KDM1B: variants seen among roughly 807,000 people sequenced by gnomAD.
KDM1B encodes the protein lysine-specific histone demethylase 2.
A neutral mutation model predicts 107.4 loss-of-function variants in KDM1B; 63 were observed. That is an observed-to-expected ratio of 0.59 (90% CI 0.48 to 0.72). KDM1B has a LOEUF of 0.72. KDM1B is among the 30% of genes least tolerant of loss of function. The pLI is 0.00. For synonymous variants in KDM1B, 363 were observed against 363.9 expected, an observed-to-expected ratio of 1.00 and a Z score of 0.03; for missense variants, 749 against 1,020.8, an observed-to-expected ratio of 0.73 and a Z score of 3.63.
chr6:18,170,066 G>A (rs1011293007), intron 6 of KDM1B, among the ~76,000 whole-genome samples: 1 of 151,454 alleles, frequency 6.6e-6, no homozygotes, highest in African/African-American at 2.4e-5. Flanking sequence ...GCACCCCCAC[G>A]CCCAGCTAAT....
intron 10 of KDM1B, among the ~76,000 whole-genome samples, chr6:18,194,721 A>G (rs371649): frequency 0.07 from 10,644 of 151,816 alleles, 461 homozygotes; most frequent in South Asian, 0.22. Flanking sequence ...CTGGTCTCCA[A>G]GTTTTGGGCT....
Position 18,198,649 on chromosome 6 carries a change from A to AC in KDM1B, c.1221+988_1221+989insC, listed in dbSNP as rs71958364. 1.8e-3 allele frequency among the ~76,000 whole-genome samples: 258 copies of AC among 142,058 alleles called. 1 individual carries two copies. The highest frequency in any genetic ancestry group is 6.8e-3 in the African/African-American group (250 of 36,540). 93.2% of individuals were successfully genotyped at this position (142,058 alleles called of 152,430 possible). Reference sequence around the variant, plus strand: ...CGAGACTCCATCTCAAAAAAAAAAAAAAAAAAAACAAAACGCCCTTTGAAT... The same window carrying AC: ...CGAGACTCCATCTCAAAAAAAAAAAACAAAAAAAACAAAACGCCCTTTGAAT... On this transcript the variant is annotated intron_variant, in intron 12 of 21. Transcript: ENST00000650836.
At chr6:18,175,474 G>T (rs1444462344) in intron 7 of KDM1B, among the ~76,000 whole-genome samples, 2 of 152,124 alleles carry the variant, frequency 1.3e-5, no homozygotes, top group Non-Finnish European at 2.9e-5. Flanking sequence ...CCTTGCAAAA[G>T]CTCTTTAAAG....
At chr6:18,182,632 G>A (rs1464760704) in intron 7 of KDM1B, among the ~76,000 whole-genome samples, 3 of 151,916 alleles carry the variant, frequency 2.0e-5, no homozygotes, top group Non-Finnish European at 4.4e-5. Flanking sequence ...TCAAACTCCT[G>A]AGTTCAAGTG....
At chr6:18,217,686 A>G in intron 20 of KDM1B, 47 bp from the exon 21 acceptor site, 2 of 1,561,866 alleles carry the variant, frequency 1.3e-6, no homozygotes, top group Non-Finnish European at 1.8e-6. Flanking sequence ...CCTGCCATCT[A>G]CATCCCTTCT....
chr6:18,208,178 C>T lies in KDM1B; in HGVS notation c.1838C>T (p.Thr613Ile). 6.2e-7 allele frequency: 1 copy of T among 1,613,660 alleles called. No homozygotes were observed. The highest frequency in any genetic ancestry group is 8.5e-7 in the Non-Finnish European group (1 of 1,179,688). The part of the protein sequence containing the change: ...YSGDEVQVTT[T>I]DGTGYSAQKV... ...GGAGATGAAGTGCAGGTTACCACTA[C>T]AGATGGCACAGGGTATTCTGCACAA... The change falls in exon 17 of 22, where the codon ACA becomes ATA. Residue 613 changes from threonine to isoleucine, a missense_variant. Coordinates refer to ENST00000650836, the MANE Select transcript of KDM1B (RefSeq NM_001364614.2).
At position 18,223,774 on chromosome 6, in the gene KDM1B, A is replaced by G. The variant is rs1173903753; in HGVS notation, c.*1782A>G. On this transcript the variant is annotated 3_prime_UTR_variant, in exon 22 of 22. Coordinates refer to ENST00000650836, the MANE Select transcript of KDM1B (RefSeq NM_001364614.2). ...ATTTTGTAATTGAGTAGCAGTAAAT[A>G]TACAGATTTACAATGTTTTAACTAC... 1 of 152,208 alleles carries G rather than the reference A, an allele frequency of 6.6e-6. No homozygotes were observed. Among genetic ancestry groups the G allele is most frequent in the South Asian group, 2.1e-4 (1 of 4,832 alleles). The allele number at this position is 152,208 out of a possible 1,614,324, so 9.4% of individuals were successfully genotyped here. A position where few individuals can be genotyped will look rare whatever the true frequency, so the allele number is the denominator to read the frequency against.
intron 21 of KDM1B, among the ~76,000 whole-genome samples, chr6:18,219,469 C>G (rs1325410822): frequency 6.6e-6 from 1 of 152,052 alleles, no homozygotes; most frequent in Non-Finnish European, 1.5e-5. Context: ...ATTTTAAAAT[C>G]GTCCAACTCT....
At chr6:18,193,193 C>CT (rs1202164090) in intron 10 of KDM1B, among the ~76,000 whole-genome samples, 39 of 55,462 alleles carry the variant, frequency 7.0e-4, no homozygotes, top group African/African-American at 1.1e-3. Context: ...GAAACTCTGT[C>CT]TAAAAAAAAA....
In KDM1B at chr6:18,184,273, CTTT is replaced by C. The variant is rs1163110910; in HGVS notation, c.535-1482_535-1480del. Among the ~76,000 whole-genome samples the C allele has an allele frequency of 1.6e-4, 19 of 116,662 alleles. 1 individual carries two copies. The highest frequency in any genetic ancestry group is 3.1e-4 in the Non-Finnish European group (18 of 57,556). 76.5% of individuals were successfully genotyped at this position (116,662 alleles called of 152,430 possible). On this transcript the variant is annotated intron_variant, in intron 7 of 21. Transcript: ENST00000650836. The stretch of plus-strand genomic sequence containing the variant: ...TCCTACACTATGATTGTTCTAGCTT[CTTT>C]TTTTTTTTTTTTTTTTGAGACGGAG...
Position 18,197,143 on chromosome 6 carries a change from A to G in KDM1B, c.1056A>G (p.Ile352Met), listed in dbSNP as rs1373222622. The change falls in exon 11 of 22, where the codon ATA (isoleucine) becomes ATG (methionine). Residue 352 changes from isoleucine (I) to methionine (M), a missense_variant. Transcript: ENST00000650836. This position sits in a 1 kb window ranked among gnomAD's most constrained non-coding sequence, Gnocchi z 4.5. ...GATGCGTTCAGGAAGTGGAGAGAAT[A>G]CTGTATTTTATGACCAGAAAAGGTC... ...RIRCVQEVER[I>M]LYFMTRKGLI... 6.2e-7 allele frequency: 1 copy of G among 1,613,964 alleles called. No individual in the cohort carries two copies. The highest frequency in any genetic ancestry group is 2.2e-5 in the East Asian group (1 of 44,890).
intron 7 of KDM1B, among the ~76,000 whole-genome samples, chr6:18,182,840 CTT>C (rs1258553160): frequency 6.6e-6 from 1 of 152,262 alleles, no homozygotes; most frequent in East Asian, 1.9e-4. Context: ...CCTTCATTCT[CTT>C]CAATGGCTGT....
At chr6:18,215,740 C>CT (rs1789173904) in intron 20 of KDM1B, among the ~76,000 whole-genome samples, 1 of 151,034 alleles carries the variant, frequency 6.6e-6, no homozygotes, top group African/African-American at 2.4e-5. Flanking sequence ...TACACACTTC[C>CT]CTTTTTTTTT....
intron 7 of KDM1B, among the ~76,000 whole-genome samples, chr6:18,179,580 T>C (rs1786289530): frequency 1.3e-5 from 2 of 152,216 alleles, no homozygotes; most frequent in African/African-American, 4.8e-5. Context: ...CTAGGTGGTT[T>C]ATGACTTCTT....
chr6:18,163,240 A>G (rs1785083042), intron 5 of KDM1B, among the ~76,000 whole-genome samples: 1 of 151,076 alleles, frequency 6.6e-6, no homozygotes, highest in Admixed American at 6.6e-5. Context: ...TGGGTTCCTT[A>G]ATAGAGATGG....
In KDM1B at chr6:18,160,011, C is replaced by T. The variant is rs187201298; in HGVS notation, c.87+29C>T. ...GTGTTCATTTATTCATTCAACAAGC[C>T]TTTTTTGAGCATGCAGAATTACTGA... On this transcript the variant is annotated intron_variant, in intron 3 of 21. Coordinates refer to ENST00000650836, the MANE Select transcript of KDM1B (RefSeq NM_001364614.2). The T allele has an allele frequency of 4.3e-5, 61 of 1,423,626 alleles. 1 individual carries two copies. Among genetic ancestry groups the T allele is most frequent in the Non-Finnish European group, 5.5e-5 (57 of 1,027,944 alleles). 88.2% of individuals were successfully genotyped at this position (1,423,626 alleles called of 1,614,324 possible).
In KDM1B at chr6:18,213,828, A is replaced by G. The variant is rs1242163045; in HGVS notation, c.2109+47A>G. 4.4e-6 allele frequency: 7 copies of G among 1,606,126 alleles called. No homozygotes were observed. The African/African-American group carries it at 8.0e-5, about 18-fold the overall frequency. On this transcript the variant is annotated intron_variant, in intron 19 of 21. Transcript: ENST00000650836. This position sits in a 1 kb window ranked among gnomAD's most constrained non-coding sequence, Gnocchi z 5.9. ...GGTTTGAATTTCCGTCTTAAAGTTTAGAATTTGATGTGATAATTACTCACC... is the reference window on the plus strand; with the variant it reads ...GGTTTGAATTTCCGTCTTAAAGTTTGGAATTTGATGTGATAATTACTCACC...
In KDM1B at chr6:18,212,547, G is replaced by A. The variant is rs200412946; in HGVS notation, c.1926G>A (p.Pro642=). 29 of 1,614,140 alleles carry A rather than the reference G, an allele frequency of 1.8e-5. No individual in the cohort carries two copies. The highest frequency in any genetic ancestry group is 3.3e-4 in the Middle Eastern group (2 of 6,062). Residue 642 remains proline, a synonymous_variant, in exon 18 of 22, where the codon CCG becomes CCA. Transcript: ENST00000650836. The surrounding 1 kb of genome is among the most constrained non-coding windows in gnomAD (Gnocchi z 5.2). ...AAGGTGCCATTCAGTTTAATCCACC[G>A]TTGTCAGAGAAGAAGATGAAGGCTA... ...LQKGAIQFNP[P]LSEKKMKAIN...
chr6:18,188,593 T>C (rs1235739899), intron 9 of KDM1B, among the ~76,000 whole-genome samples: 1 of 152,066 alleles, frequency 6.6e-6, no homozygotes, highest in Non-Finnish European at 1.5e-5. Context: ...AGGCATACTT[T>C]TGATTATTTA....
Sources: gnomAD v4.1 joint callset for allele counts (sites outside exome capture counted in the v4.1 genomes callset) on GRCh38, gnomAD v4.1.1 for gene constraint, Gnocchi (gnomAD v3.1) non-coding constraint, MANE v1.5 for transcripts, NCBI Gene and HGNC (gene_info 2026-07-23, HGNC 2026-07-21) for gene names.